The following PHF20L1 variants were observed in gnomAD, a reference collection of about 807,000 sequenced individuals.
PHF20L1 encodes PHD finger protein 20 like 1, also known as PHD finger protein 20-like protein 1.
In PHF20L1, 44 loss-of-function variants were observed where a neutral mutation model predicts 125.5. The ratio of observed to expected loss-of-function variants is 0.35; its 90% CI spans 0.28 to 0.45. PHF20L1 has a LOEUF of 0.45. PHF20L1 is among the 20% of genes least tolerant of loss of function. The pLI, the probability that PHF20L1 is intolerant of heterozygous loss-of-function variation, is 1.00. For synonymous variants in PHF20L1, 380 were observed against 403.1 expected (o/e 0.94, Z 0.69); for missense variants, 1,012 against 1,217.2 (o/e 0.83, Z 2.51).
intron 2 of PHF20L1, among the ~76,000 whole-genome samples, chr8:132,794,046 G>A (rs1342712040): frequency 6.6e-6 from 1 of 151,970 alleles, no homozygotes; most frequent in African/African-American, 2.4e-5. Flanking sequence ...ATATTTAGAT[G>A]GTTTCCACTT....
chr8:132,825,212 G>C (rs937542850), intron 13 of PHF20L1, 52 bp from the exon 14 acceptor site: 1 of 1,585,664 alleles, frequency 6.3e-7, no homozygotes, highest in Admixed American at 1.7e-5. Context: ...AACCACAAAG[G>C]AACAACTCAG....
rs1051729605 is a variant in PHF20L1 at position 132,846,914 on chromosome 8, T to C, written c.*991T>C. 1 of 152,524 alleles carries C rather than the reference T, an allele frequency of 6.6e-6. No individual in the cohort carries two copies. Among genetic ancestry groups the C allele is most frequent in the Non-Finnish European group, 1.5e-5 (1 of 67,998 alleles). 9.4% of individuals were successfully genotyped at this position (152,524 alleles called of 1,614,324 possible). On this transcript the variant is annotated 3_prime_UTR_variant, in exon 21 of 21. Coordinates refer to ENST00000395386, the MANE Select transcript of PHF20L1 (RefSeq NM_016018.5). Reference sequence around the variant, plus strand: ...AATAATTTGTGGCTGTGGATTTTTTTAACTGCTAGTAGTGGAATACTGGAA... The same window carrying C: ...AATAATTTGTGGCTGTGGATTTTTTCAACTGCTAGTAGTGGAATACTGGAA...
At chr8:132,845,723 TTTTC>T in intron 20 of PHF20L1, 54 bp from the exon 21 acceptor site, 1 of 1,245,300 alleles carries the variant, frequency 8.0e-7, no homozygotes, top group South Asian at 1.2e-5. Context: ...GATTGTTTCA[TTTTC>T]TGACTGTTCT....
chr8:132,775,538 G>A lies in PHF20L1; in HGVS notation c.-145G>A. On this transcript the variant is annotated 5_prime_UTR_variant, in exon 1 of 21. Coordinates refer to ENST00000395386, the MANE Select transcript of PHF20L1 (RefSeq NM_016018.5). Reference sequence around the variant, plus strand: ...TCGCTCCGCTCCTGCTCCCTCCCCGGCCGCTGCCTGGGCGGAGGCAGAGGC... The same window carrying A: ...TCGCTCCGCTCCTGCTCCCTCCCCGACCGCTGCCTGGGCGGAGGCAGAGGC... The A allele has an allele frequency of 2.7e-6, 1 of 370,492 alleles. No homozygotes were observed. The highest frequency in any genetic ancestry group is 4.8e-6 in the Non-Finnish European group (1 of 207,862). 23.0% of individuals were successfully genotyped at this position (370,492 alleles called of 1,614,324 possible). A position where few individuals can be genotyped will look rare whatever the true frequency, so the allele number is the denominator to read the frequency against.
At chr8:132,782,595 T>A (rs1320966901) in intron 2 of PHF20L1, among the ~76,000 whole-genome samples, 1 of 151,758 alleles carries the variant, frequency 6.6e-6, no homozygotes, top group East Asian at 1.9e-4. Context: ...TTTTCCTTTT[T>A]TTTTTGAGAC....
chr8:132,824,138 T>G (rs1835899816), intron 13 of PHF20L1, 78 bp downstream of exon 13: 1 of 865,534 alleles, frequency 1.2e-6, no homozygotes, highest in African/African-American at 1.7e-5. Context: ...CCCCTTACTC[T>G]TTACCAGTTA....
chr8:132,840,106 C>A (rs780319010), intron 18 of PHF20L1, among the ~76,000 whole-genome samples: 2 of 152,038 alleles, frequency 1.3e-5, no homozygotes, highest in Non-Finnish European at 2.9e-5. Context: ...TTCTTGAAGT[C>A]CTTATTTCCA....
At chr8:132,834,530 T>G (rs1837131173) in intron 15 of PHF20L1, among the ~76,000 whole-genome samples, 1 of 152,000 alleles carries the variant, frequency 6.6e-6, no homozygotes, top group Non-Finnish European at 1.5e-5. Context: ...GATGAGGGCT[T>G]GCTTTGTTGT....
chr8:132,840,645 TC>T (rs1837837582), intron 18 of PHF20L1, among the ~76,000 whole-genome samples: 1 of 152,012 alleles, frequency 6.6e-6, no homozygotes. Flanking sequence ...CAAACCATAA[TC>T]CCTAAATGAA....
intron 8 of PHF20L1, among the ~76,000 whole-genome samples, chr8:132,806,059 G>A (rs1833654903): frequency 6.6e-6 from 1 of 151,922 alleles, no homozygotes; most frequent in Admixed American, 6.6e-5. Context: ...TCTAACTCCT[G>A]TGATACAAAG....
rs746364531 is a variant in PHF20L1 at position 132,844,275 on chromosome 8, C to T, written c.2868C>T (p.Asn956=). 19 of 1,612,148 alleles carry T rather than the reference C, an allele frequency of 1.2e-5. 1 individual carries two copies. Among genetic ancestry groups the T allele is most frequent in the South Asian group, 8.8e-5 (8 of 90,998 alleles). ...TTACACACATAGAAAATGTGCAGAA[C>T]GAAGTTACCAGCAGGATGGACCTAA... ...NLLTHIENVQ[N]EVTSRMDLIE... is the part of the protein sequence containing the mutation. The change falls in exon 20 of 21, where the codon AAC becomes AAT. Residue 956 remains asparagine, a synonymous_variant. Coordinates refer to ENST00000395386, the MANE Select transcript of PHF20L1 (RefSeq NM_016018.5).
At position 132,803,081 on chromosome 8, in the gene PHF20L1, G is replaced by C. The variant is rs551495950; in HGVS notation, c.508-738G>C. Among the ~76,000 whole-genome samples the C allele has an allele frequency of 4.6e-5, 7 of 151,642 alleles. No homozygotes were observed. The East Asian group carries it at 1.2e-3, about 25-fold the overall frequency. ...AAAATACAATAGTAAAATGTATTTA[G>C]CAACAAACTAAATTAACACAGGAAA... On this transcript the variant is annotated intron_variant, in intron 6 of 20. Coordinates refer to ENST00000395386, the MANE Select transcript of PHF20L1 (RefSeq NM_016018.5).
intron 6 of PHF20L1, 126 bp downstream of exon 6, chr8:132,799,298 C>T: frequency 3.4e-6 from 2 of 579,850 alleles, no homozygotes; most frequent in Non-Finnish European, 3.0e-6. Flanking sequence ...TTCTACAAAT[C>T]ATAGTCATTC....
At chr8:132,841,174 T>A (rs1369740437) in intron 18 of PHF20L1, among the ~76,000 whole-genome samples, 1 of 152,126 alleles carries the variant, frequency 6.6e-6, no homozygotes, top group Non-Finnish European at 1.5e-5. Context: ...ATATTTTAAA[T>A]CATAATATCT....
chr8:132,843,431 C>T, intron 19 of PHF20L1: 1 of 978,854 alleles, frequency 1.0e-6, no homozygotes. Flanking sequence ...TTAATGAGGC[C>T]ACTTTAAAAT....
intron 13 of PHF20L1, 130 bp downstream of exon 13, chr8:132,824,190 C>G (rs992933271): frequency 1.8e-6 from 1 of 559,028 alleles, no homozygotes; most frequent in African/African-American, 2.0e-5. Context: ...TTAGTTCCTA[C>G]TAGTGTTAGT....
chr8:132,822,575 C>A (rs1835724319), intron 12 of PHF20L1, among the ~76,000 whole-genome samples: 1 of 151,946 alleles, frequency 6.6e-6, no homozygotes, highest in Admixed American at 6.6e-5. Flanking sequence ...GAAATTGCAT[C>A]AAATTTATAA....
chr8:132,817,156 T>C (rs1835076242), intron 11 of PHF20L1, 80 bp downstream of exon 11: 1 of 983,392 alleles, frequency 1.0e-6, no homozygotes, highest in South Asian at 1.8e-5. Context: ...TATTAAAATA[T>C]TAAGATATTT....
In PHF20L1 at chr8:132,848,086, A is replaced by G. The variant is rs898396685; in HGVS notation, c.*2163A>G. 6.6e-6 allele frequency: 1 copy of G among 152,064 alleles called. No homozygotes were observed. Among genetic ancestry groups the G allele is most frequent in the African/African-American group, 2.4e-5 (1 of 41,444 alleles). 9.4% of individuals were successfully genotyped at this position (152,064 alleles called of 1,614,324 possible). On this transcript the variant is annotated 3_prime_UTR_variant, in exon 21 of 21. Coordinates refer to ENST00000395386, the MANE Select transcript of PHF20L1 (RefSeq NM_016018.5). ...CACACACAGAAGACCCTTTGTACCT[A>G]GTAACATTCATCCTCTTGATTCCTG...
Sources: allele counts gnomAD v4.1 joint callset (sites outside exome capture counted in the v4.1 genomes callset), GRCh38; gene constraint gnomAD v4.1.1; transcripts MANE v1.5; gene names NCBI Gene and HGNC (gene_info 2026-07-23, HGNC 2026-07-21).